SYNPR: variants seen among roughly 807,000 people sequenced by gnomAD.
SYNPR encodes the protein synaptoporin.
In SYNPR, 23 loss-of-function variants were observed where a neutral mutation model predicts 32.9. The observed-to-expected ratio is 0.70, with a 90% confidence interval of 0.50 to 0.99. The LOEUF (loss-of-function observed/expected upper bound fraction) is 0.99, where lower values mean the gene tolerates loss of function less well. SYNPR is among the 50% of genes least tolerant of loss of function. The pLI, the probability that SYNPR is intolerant of heterozygous loss-of-function variation, is 0.00. For synonymous variants in SYNPR, 146 were observed against 135.9 expected, an observed-to-expected ratio of 1.07 and a Z score of -0.52; for missense variants, 318 against 349.3, an observed-to-expected ratio of 0.91 and a Z score of 0.71.
At chr3:63,320,375 T>C (rs1204998418) in intron 2 of SYNPR, among the ~76,000 whole-genome samples, 2 of 152,224 alleles carry the variant, frequency 1.3e-5, no homozygotes, top group South Asian at 4.1e-4. Flanking sequence ...AATCATTTTA[T>C]GGCCACCATA....
chr3:63,393,487 C>CTTCTTTTTT (rs1308792541), intron 2 of SYNPR, among the ~76,000 whole-genome samples: 1 of 118,096 alleles, frequency 8.5e-6, no homozygotes, highest in African/African-American at 3.9e-5. Context: ...TTCCTTCTTT[C>CTTCTTTTTT]TTTCTTCTCT....
chr3:63,481,962 T>G (rs1701057368), intron 3 of SYNPR, among the ~76,000 whole-genome samples: 2 of 152,208 alleles, frequency 1.3e-5, no homozygotes, highest in South Asian at 4.2e-4. Context: ...AGCAGGTAAC[T>G]TAAAAGTCAA....
chr3:63,221,544 G>A, the SYNPR span, among the ~76,000 whole-genome samples: 41 of 152,194 alleles, frequency 2.7e-4, no homozygotes, highest in Non-Finnish European at 5.1e-4. Context: ...AATAGAAAGC[G>A]TATATTTGGC....
At chr3:63,519,898 T>C (rs929089298) in intron 3 of SYNPR, among the ~76,000 whole-genome samples, 8 of 152,232 alleles carry the variant, frequency 5.3e-5, no homozygotes, top group African/African-American at 1.9e-4. Flanking sequence ...ATTATCATAA[T>C]TCACATCACC....
rs553008663 is a variant in SYNPR at position 63,595,965 on chromosome 3, T to TTA, written c.409-13153_409-13152dup. On this transcript the variant is annotated intron_variant, in intron 4 of 5. Coordinates refer to ENST00000478300, the MANE Select transcript of SYNPR (RefSeq NM_001130003.2). ...TATATATAGTTTTATATATATAGTT[T>TTA]TATATATAGTTTTATATATATATAG... Among the ~76,000 whole-genome samples, 55 of 105,008 alleles carry TTA rather than the reference T, an allele frequency of 5.2e-4. 1 individual carries two copies. The highest frequency in any genetic ancestry group is 8.1e-4 in the Non-Finnish European group (43 of 53,224). 68.9% of individuals were successfully genotyped at this position (105,008 alleles called of 152,430 possible).
intron 2 of SYNPR, among the ~76,000 whole-genome samples, chr3:63,259,150 A>C (rs1398174594): frequency 6.6e-6 from 1 of 152,146 alleles, no homozygotes; most frequent in Non-Finnish European, 1.5e-5. Context: ...GGTACAAGGA[A>C]GAGCTGATAC....
intron 2 of SYNPR, among the ~76,000 whole-genome samples, chr3:63,325,554 G>A (rs2087156815): frequency 6.6e-6 from 1 of 152,128 alleles, no homozygotes; most frequent in Non-Finnish European, 1.5e-5. Flanking sequence ...ACAGTAGGGA[G>A]TGGCTAGCTG....
chr3:63,538,988 T>C (rs1702255694), intron 3 of SYNPR, among the ~76,000 whole-genome samples: 1 of 152,190 alleles, frequency 6.6e-6, no homozygotes, highest in South Asian at 2.1e-4. Context: ...GGAGCCTAGC[T>C]AACTATATTC....
At chr3:63,202,243 C>G in the SYNPR span, among the ~76,000 whole-genome samples, 2 of 152,126 alleles carry the variant, frequency 1.3e-5, no homozygotes, top group Admixed American at 6.6e-5. Flanking sequence ...GTATAACATT[C>G]TCTGTATTGG....
chr3:63,220,634 T>C, the SYNPR span, among the ~76,000 whole-genome samples: 1 of 152,290 alleles, frequency 6.6e-6, no homozygotes, highest in South Asian at 2.1e-4. Flanking sequence ...TCTTCTTCAC[T>C]CCAGCAGATG....
chr3:63,222,872 G>T, the SYNPR span, among the ~76,000 whole-genome samples: 1 of 152,110 alleles, frequency 6.6e-6, no homozygotes, highest in South Asian at 2.1e-4. Context: ...TGTGTTTGTT[G>T]CCAGAATCTT....
At chr3:63,290,841 C>G (rs1271980841) in intron 2 of SYNPR, among the ~76,000 whole-genome samples, 1 of 152,158 alleles carries the variant, frequency 6.6e-6, no homozygotes, top group East Asian at 1.9e-4. Context: ...ACAGGAAGTT[C>G]TCACTCATCC....
At chr3:63,272,188 C>G (rs2086542976) in intron 3 of SYNPR, among the ~76,000 whole-genome samples, 1 of 152,150 alleles carries the variant, frequency 6.6e-6, no homozygotes, top group Non-Finnish European at 1.5e-5. Flanking sequence ...AGATATTTTT[C>G]TGGGTACCTT....
intron 3 of SYNPR, among the ~76,000 whole-genome samples, chr3:63,513,296 C>T (rs1412887429): frequency 6.6e-6 from 1 of 152,036 alleles, no homozygotes; most frequent in Non-Finnish European, 1.5e-5. Flanking sequence ...ATTCTCCCAC[C>T]TCAGCCTCCT....
chr3:63,457,001 G>C (rs1200298258), intron 2 of SYNPR, among the ~76,000 whole-genome samples: 17 of 152,032 alleles, frequency 1.1e-4, no homozygotes, highest in Admixed American at 1.1e-3. Flanking sequence ...CCTCTGACCT[G>C]GGCTGTCTTG....
At chr3:63,431,640 C>T (rs1209724423) in intron 2 of SYNPR, among the ~76,000 whole-genome samples, 2 of 151,772 alleles carry the variant, frequency 1.3e-5, no homozygotes, top group African/African-American at 4.8e-5. Context: ...ACAGCATAAA[C>T]CAAGGGCAGA....
At chr3:63,304,880 G>T (rs973271571) in intron 2 of SYNPR, among the ~76,000 whole-genome samples, 20 of 151,896 alleles carry the variant, frequency 1.3e-4, no homozygotes, top group Admixed American at 9.9e-4. Context: ...AAACCTAAAA[G>T]ATTTTCTACA....
intron 2 of SYNPR, among the ~76,000 whole-genome samples, chr3:63,333,308 T>C (rs1483006343): frequency 1.3e-5 from 2 of 148,594 alleles, no homozygotes; most frequent in African/African-American, 5.0e-5. Flanking sequence ...TCTGGGGTCA[T>C]CTCCCAGTGA....
chr3:63,300,797 G>A (rs925030080), intron 2 of SYNPR, among the ~76,000 whole-genome samples: 7 of 152,024 alleles, frequency 4.6e-5, no homozygotes, highest in African/African-American at 1.7e-4. Context: ...TCCTCGCTTA[G>A]CTCCTTCCCC....
Sources: allele counts gnomAD v4.1 joint callset (sites outside exome capture counted in the v4.1 genomes callset), GRCh38; gene constraint gnomAD v4.1.1; transcripts MANE v1.5; gene names NCBI Gene and HGNC (gene_info 2026-07-23, HGNC 2026-07-21).